The following GMDS variants were observed in gnomAD, a reference collection of about 807,000 sequenced individuals.
The protein encoded by GMDS is GDP-mannose 4,6-dehydratase.
Under a neutral mutation model 49.9 loss-of-function variants are expected in GMDS, and 20 were observed. The ratio of observed to expected loss-of-function variants is 0.40; its 90% CI spans 0.28 to 0.58. The LOEUF (loss-of-function observed/expected upper bound fraction) is 0.58, where lower values mean the gene tolerates loss of function less well. Ranked by LOEUF, GMDS falls within the 20% of genes least tolerant of loss-of-function variation. The pLI is 0.42. For missense variants in GMDS, 362 were observed against 481.4 expected (o/e 0.75, Z 2.32); for synonymous variants, 177 against 178.6 (o/e 0.99, Z 0.07).
rs3839613 is a variant in GMDS at position 2,224,640 on chromosome 6, GA to G, written c.102+20680del. Reference sequence around the variant, plus strand: ...TACAAGTTTGGTATTATGTCTCAGAGAAAAAAAATCATAAGTATAGCATTTG... The same window carrying G: ...TACAAGTTTGGTATTATGTCTCAGAGAAAAAAATCATAAGTATAGCATTTG... On this transcript the variant is annotated intron_variant, in intron 1 of 10. Transcript: ENST00000380815. Among the ~76,000 whole-genome samples the G allele has an allele frequency of 3.1e-4, 47 of 151,822 alleles. 2 individuals are homozygous for G. Among genetic ancestry groups the G allele is most frequent in the African/African-American group, 4.8e-5 (2 of 41,320 alleles).
At chr6:1,977,422 G>C (rs1764969621) in intron 4 of GMDS, among the ~76,000 whole-genome samples, 1 of 152,144 alleles carries the variant, frequency 6.6e-6, no homozygotes, top group African/African-American at 2.4e-5. Flanking sequence ...AAGTTCAGAA[G>C]AAGCAAGGAA....
chr6:1,738,053 CCA>C (rs1206542736), intron 8 of GMDS, among the ~76,000 whole-genome samples: 4 of 140,202 alleles, frequency 2.9e-5, no homozygotes, highest in South Asian at 2.4e-4. Flanking sequence ...ACCACATACA[CCA>C]CACACATACA....
Position 1,960,833 on chromosome 6 carries a change from C to T in GMDS, c.479G>A (p.Gly160Glu). 3.7e-6 allele frequency: 6 copies of T among 1,611,514 alleles called. No individual in the cohort carries two copies. Among genetic ancestry groups the T allele is most frequent in the Non-Finnish European group, 5.1e-6 (6 of 1,178,060 alleles). Residue 160 changes from glycine (G) to glutamate (E), a missense_variant, in exon 5 of 11, where the codon GGG (glycine) becomes GAG (glutamate). Physicochemically the swap from Gly to Glu is moderately conservative, Grantham distance 98. Coordinates refer to ENST00000380815, the MANE Select transcript of GMDS (RefSeq NM_001500.4). The stretch of plus-strand genomic sequence containing the variant: ...CTTCTGGGGTATTTCCTGCACTTTC[C>T]CATAAAGTTCACTTGTTGAGGCTTG... Reference protein sequence around the residue: ...FYQASTSELYGKVQEIPQKET... With the variant: ...FYQASTSELYEKVQEIPQKET...
At chr6:2,048,335 A>C (rs781251199) in intron 4 of GMDS, among the ~76,000 whole-genome samples, 1 of 152,230 alleles carries the variant, frequency 6.6e-6, no homozygotes, top group African/African-American at 2.4e-5. Context: ...CAATTATTAA[A>C]AAGATAAGTC....
intron 9 of GMDS, among the ~76,000 whole-genome samples, chr6:1,650,497 C>T (rs1465043307): frequency 6.6e-6 from 1 of 152,140 alleles, no homozygotes; most frequent in Non-Finnish European, 1.5e-5. Context: ...CCTTCTCCTA[C>T]CAATTCTTCG....
intron 1 of GMDS, among the ~76,000 whole-genome samples, chr6:2,202,932 A>G (rs1779617090): frequency 6.6e-6 from 1 of 152,152 alleles, no homozygotes; most frequent in South Asian, 2.1e-4. Flanking sequence ...GTCACCCTGA[A>G]TCAAGCAATA....
chr6:1,830,380 G>A lies in GMDS; in HGVS notation c.772-87794C>T, dbSNP rs147487113. On this transcript the variant is annotated intron_variant, in intron 7 of 10. Coordinates refer to ENST00000380815, the MANE Select transcript of GMDS (RefSeq NM_001500.4). ...GTATCAAGACCATTCCCCCAGTAGCGACAACCAAAATGTCTCCACACATTG... is the reference window on the plus strand; with the variant it reads ...GTATCAAGACCATTCCCCCAGTAGCAACAACCAAAATGTCTCCACACATTG... Among the ~76,000 whole-genome samples the A allele has an allele frequency of 3.3e-3, 498 of 152,268 alleles. 12 individuals carry two copies. Among genetic ancestry groups the A allele is most frequent in the Admixed American group, 0.029 (441 of 15,298 alleles).
intron 7 of GMDS, among the ~76,000 whole-genome samples, chr6:1,783,745 T>C (rs1322137024): frequency 6.6e-6 from 1 of 152,190 alleles, no homozygotes; most frequent in Non-Finnish European, 1.5e-5. Context: ...AGAGAGAAAT[T>C]TGAAAACATT....
chr6:1,997,285 A>G (rs1156983531), intron 4 of GMDS, among the ~76,000 whole-genome samples: 2 of 152,002 alleles, frequency 1.3e-5, no homozygotes, highest in Non-Finnish European at 2.9e-5. Context: ...CAAGGTGGGC[A>G]AATCACGAGG....
intron 1 of GMDS, among the ~76,000 whole-genome samples, chr6:2,203,524 G>A (rs1421609201): frequency 1.3e-5 from 2 of 151,934 alleles, no homozygotes; most frequent in African/African-American, 4.8e-5. Flanking sequence ...CAGTACAGTA[G>A]GCCCACTGTG....
At chr6:1,687,078 A>C (rs550209514) in intron 9 of GMDS, among the ~76,000 whole-genome samples, 2 of 152,112 alleles carry the variant, frequency 1.3e-5, no homozygotes, top group East Asian at 3.9e-4. Flanking sequence ...TTTAGGCAAA[A>C]TCACAACTAT....
intron 1 of GMDS, among the ~76,000 whole-genome samples, chr6:2,189,702 C>T (rs1375928465): frequency 6.6e-6 from 1 of 152,172 alleles, no homozygotes; most frequent in Non-Finnish European, 1.5e-5. Flanking sequence ...GTACACTGCT[C>T]TGGAGGATTG....
intron 4 of GMDS, among the ~76,000 whole-genome samples, chr6:2,012,871 C>T (rs62390707): frequency 0.41 from 62,269 of 151,760 alleles, 12,868 homozygotes; most frequent in Middle Eastern, 0.47. Flanking sequence ...TCAGAGAAAA[C>T]CCCCTCCTGT....
chr6:2,085,987 T>C (rs57942087), intron 4 of GMDS, among the ~76,000 whole-genome samples: 1,897 of 152,300 alleles, frequency 0.012, 42 homozygotes, highest in African/African-American at 0.044. Context: ...ACAGATTACA[T>C]CAAATTATTA....
At chr6:2,227,131 G>C (rs1408664876) in intron 1 of GMDS, among the ~76,000 whole-genome samples, 1 of 151,914 alleles carries the variant, frequency 6.6e-6, no homozygotes, top group Non-Finnish European at 1.5e-5. Flanking sequence ...TTTTTCAATA[G>C]TGAACATTAT....
intron 1 of GMDS, among the ~76,000 whole-genome samples, chr6:2,231,285 C>T (rs1462294621): frequency 6.6e-6 from 1 of 152,146 alleles, no homozygotes; most frequent in African/African-American, 2.4e-5. Flanking sequence ...GGGCCAGGAA[C>T]AGTGGCTCAC....
At chr6:1,663,603 C>T (rs1764151650) in intron 9 of GMDS, among the ~76,000 whole-genome samples, 1 of 152,182 alleles carries the variant, frequency 6.6e-6, no homozygotes, top group African/African-American at 2.4e-5. Flanking sequence ...CCTGCACCGC[C>T]TTATGTGACT....
intron 4 of GMDS, among the ~76,000 whole-genome samples, chr6:2,076,910 T>C (rs1772377009): frequency 6.6e-6 from 1 of 152,196 alleles, no homozygotes; most frequent in Non-Finnish European, 1.5e-5. Context: ...AATTGACAAA[T>C]GCTATAAATT....
intron 9 of GMDS, among the ~76,000 whole-genome samples, chr6:1,710,618 C>A (rs1331714022): frequency 7.0e-6 from 1 of 141,938 alleles, no homozygotes; most frequent in Non-Finnish European, 1.5e-5. Context: ...TCCCCCTAGA[C>A]CTGGAGCTCT....
Sources: gnomAD v4.1 joint callset for allele counts (sites outside exome capture counted in the v4.1 genomes callset) on GRCh38, gnomAD v4.1.1 for gene constraint, MANE v1.5 for transcripts, NCBI Gene and HGNC (gene_info 2026-07-23, HGNC 2026-07-21) for gene names.